MOB3B: variants seen among roughly 807,000 people sequenced by gnomAD.
MOB3B encodes MOB kinase activator 3B.
MOB3B carries 7 observed loss-of-function variants against 18.7 expected under a neutral mutation model. The ratio of observed to expected loss-of-function variants is 0.37; its 90% CI spans 0.21 to 0.70. MOB3B has a LOEUF of 0.70. Ranked by LOEUF, MOB3B falls within the 30% of genes least tolerant of loss-of-function variation. The pLI is 0.52. For synonymous variants in MOB3B, 111 were observed against 99.9 expected (o/e 1.11, Z -0.66); for missense variants, 253 against 281.3 (o/e 0.90, Z 0.72).
chr9:27,490,683 G>A (rs997217605), intron 1 of MOB3B, among the ~76,000 whole-genome samples: 13 of 152,092 alleles, frequency 8.5e-5, no homozygotes, highest in Admixed American at 3.3e-4. Flanking sequence ...TTGACTTGCC[G>A]TAAGGTCCTA....
intron 3 of MOB3B, among the ~76,000 whole-genome samples, chr9:27,357,389 C>T (rs1204244101): frequency 6.6e-6 from 1 of 151,626 alleles, no homozygotes; most frequent in African/African-American, 2.4e-5. Flanking sequence ...TGCGCTCAAG[C>T]TGTTTACACA....
intron 3 of MOB3B, among the ~76,000 whole-genome samples, chr9:27,349,897 C>T (rs1821081377): frequency 6.6e-6 from 1 of 152,218 alleles, no homozygotes; most frequent in Non-Finnish European, 1.5e-5. Flanking sequence ...GTGAACACAT[C>T]TGGCAGCTCT....
rs1426821577 is a variant in MOB3B, at chr9:27,529,548, TACTC to T, written c.-199+3_-199+6del. On this transcript the variant is annotated splice_donor_5th_base_variant and intron_variant, in intron 1 of 3. Transcript: ENST00000262244. ...CCTCCCCTAGCTTGGAGCGGGTTCT[TACTC>T]ACCGTGGGGTTTTACCTCCAGCCCA... 4 of 985,268 alleles carry T rather than the reference TACTC, an allele frequency of 4.1e-6. No homozygotes were observed. The highest frequency in any genetic ancestry group is 1.7e-5 in the African/African-American group (1 of 57,246). 61.0% of individuals were successfully genotyped at this position (985,268 alleles called of 1,614,324 possible).
chr9:27,391,656 C>T (rs372037678), intron 2 of MOB3B: 13 of 152,272 alleles, frequency 8.5e-5, no homozygotes, highest in East Asian at 1.9e-4. Context: ...GAGAAATCTG[C>T]GTGGAGCTGG....
chr9:27,500,159 T>G (rs1385649614), intron 1 of MOB3B, among the ~76,000 whole-genome samples: 1 of 152,066 alleles, frequency 6.6e-6, no homozygotes, highest in Non-Finnish European at 1.5e-5. Context: ...TCACTTGAAT[T>G]GAGTCTGGTT....
In MOB3B at chr9:27,362,923, G is replaced by A. The variant is rs181852418; in HGVS notation, c.419-3687C>T. On this transcript the variant is annotated intron_variant, in intron 2 of 3. Coordinates refer to ENST00000262244, the MANE Select transcript of MOB3B (RefSeq NM_024761.5). ...AATAAACCTCAGAAGGTGGGACTTG[G>A]AAGAGGTTATCCCTTCAGATGGCGA... 3.4e-3 allele frequency among the ~76,000 whole-genome samples: 524 copies of A among 152,296 alleles called. 3 individuals carry two copies. Among genetic ancestry groups the A allele is most frequent in the African/African-American group, 0.012 (503 of 41,556 alleles).
intron 2 of MOB3B, among the ~76,000 whole-genome samples, chr9:27,411,451 C>A (rs867213084): frequency 1.3e-5 from 2 of 152,142 alleles, no homozygotes; most frequent in Non-Finnish European, 2.9e-5. Flanking sequence ...AGGCCATAGA[C>A]GGGTAAGAGA....
In MOB3B at chr9:27,485,527, A is replaced by G. The variant is rs1819718801; in HGVS notation, c.-198-29779T>C. 1.3e-5 allele frequency among the ~76,000 whole-genome samples: 2 copies of G among 152,208 alleles called. 1 individual carries two copies. Among genetic ancestry groups the G allele is most frequent in the South Asian group, 4.1e-4 (2 of 4,832 alleles). On this transcript the variant is annotated intron_variant, in intron 1 of 3. Coordinates refer to ENST00000262244, the MANE Select transcript of MOB3B (RefSeq NM_024761.5). ...CAAATCTCACTGATTCTGTCTCTGG[A>G]ATGTCTCCAATATTAGCCCCTTTCT...
At chr9:27,513,157 A>G (rs1459349399) in intron 1 of MOB3B, among the ~76,000 whole-genome samples, 1 of 152,222 alleles carries the variant, frequency 6.6e-6, no homozygotes, top group Non-Finnish European at 1.5e-5. Context: ...TACATTATCA[A>G]TGGTACTTCT....
chr9:27,357,004 T>C (rs767375150), intron 3 of MOB3B, among the ~76,000 whole-genome samples: 21 of 150,608 alleles, frequency 1.4e-4, no homozygotes, highest in Non-Finnish European at 2.7e-4. Context: ...GAGAGCCTTC[T>C]AGAAATCTCT....
intron 2 of MOB3B, among the ~76,000 whole-genome samples, chr9:27,385,330 T>G (rs1821637851): frequency 6.6e-6 from 1 of 152,194 alleles, no homozygotes; most frequent in Non-Finnish European, 1.5e-5. Context: ...CACTTCCAAG[T>G]GTCAGGCCCT....
intron 2 of MOB3B, among the ~76,000 whole-genome samples, chr9:27,445,769 C>T (rs1822680433): frequency 6.6e-6 from 1 of 152,088 alleles, no homozygotes; most frequent in Non-Finnish European, 1.5e-5. Context: ...ACTGAGGCCC[C>T]ACTGTGCTGT....
chr9:27,416,423 G>A (rs965611060), intron 2 of MOB3B, among the ~76,000 whole-genome samples: 1 of 151,852 alleles, frequency 6.6e-6, no homozygotes, highest in African/African-American at 2.4e-5. Flanking sequence ...TGGAGGGGTG[G>A]GCTGCTAGAT....
intron 1 of MOB3B, among the ~76,000 whole-genome samples, chr9:27,496,043 G>A (rs1448600597): frequency 2.0e-5 from 3 of 152,172 alleles, no homozygotes; most frequent in East Asian, 1.9e-4. Flanking sequence ...ACATAGAAGC[G>A]TTATCTCTCT....
intron 1 of MOB3B, 105 bp downstream of exon 1, chr9:27,529,450 G>C: frequency 8.4e-6 from 6 of 712,412 alleles, no homozygotes; most frequent in Non-Finnish European, 1.0e-5. Flanking sequence ...TCTTGCACCC[G>C]CGCCCAGGTG....
chr9:27,520,341 C>T (rs944756020), intron 1 of MOB3B, among the ~76,000 whole-genome samples: 8 of 152,168 alleles, frequency 5.3e-5, no homozygotes, highest in African/African-American at 1.7e-4. Flanking sequence ...CATGTATAAA[C>T]GATCTCAAGC....
At chr9:27,456,377 TGGA>T (rs1822871165) in intron 1 of MOB3B, among the ~76,000 whole-genome samples, 1 of 151,810 alleles carries the variant, frequency 6.6e-6, no homozygotes, top group South Asian at 2.1e-4. Context: ...AAGGAGAAGG[TGGA>T]GAAGGTGGCT....
intron 1 of MOB3B, among the ~76,000 whole-genome samples, chr9:27,486,533 C>T (rs1819732112): frequency 1.3e-5 from 2 of 152,122 alleles, no homozygotes; most frequent in South Asian, 4.2e-4. Context: ...GTGGATCAAG[C>T]CTAACTAAAG....
intron 1 of MOB3B, among the ~76,000 whole-genome samples, chr9:27,494,396 C>T (rs111636439): frequency 0.015 from 2,347 of 152,228 alleles, 68 homozygotes; most frequent in African/African-American, 0.053. Context: ...CTGGTTTTTG[C>T]GGCTTGTGGG....
Sources: gnomAD v4.1 joint callset for allele counts (sites outside exome capture counted in the v4.1 genomes callset) on GRCh38, gnomAD v4.1.1 for gene constraint, MANE v1.5 for transcripts, NCBI Gene and HGNC (gene_info 2026-07-23, HGNC 2026-07-21) for gene names.